The following CYP4A22 variants were observed in gnomAD, a reference collection of about 807,000 sequenced individuals.
The protein encoded by CYP4A22 is cytochrome P450 family 4 subfamily A member 22, also known as cytochrome P450 4A22.
A neutral mutation model predicts 56.2 loss-of-function variants in CYP4A22; 46 were observed. The ratio of observed to expected loss-of-function variants is 0.82; its 90% CI spans 0.65 to 1.05. CYP4A22 has a LOEUF of 1.05. Ranked by LOEUF, CYP4A22 falls within the 50% of genes least tolerant of loss-of-function variation. The probability of loss-of-function intolerance (pLI) is 0.00; values close to 1 mark genes in which losing one functional copy is unlikely to be tolerated. For synonymous variants in CYP4A22, 193 were observed against 251.1 expected (o/e 0.77, Z 2.19); for missense variants, 541 against 645.9 (o/e 0.84, Z 1.76).
At position 47,148,866 on chromosome 1, in the gene CYP4A22, C is replaced by T. The variant is rs568741433; in HGVS notation, c.*69C>T. On this transcript the variant is annotated 3_prime_UTR_variant, in exon 12 of 12. Coordinates refer to ENST00000371891, the MANE Select transcript of CYP4A22 (RefSeq NM_001010969.4). Reference sequence around the variant, plus strand: ...CTCCTGCCTGTCTGCCTCTGTCCTGCTTTCTGTCTGCCCACCTTCCCTTCT... The same window carrying T: ...CTCCTGCCTGTCTGCCTCTGTCCTGTTTTCTGTCTGCCCACCTTCCCTTCT... 52 of 1,508,306 alleles carry T rather than the reference C, an allele frequency of 3.4e-5. No individual in the cohort carries two copies. In the Admixed American group the frequency reaches 5.2e-4, roughly 15 times the overall value. The allele number at this position is 1,508,306 out of a possible 1,614,324, so 93.4% of individuals were successfully genotyped here.
intron 8 of CYP4A22, 44 bp from the exon 9 acceptor site, chr1:47,144,793 G>C (rs1218871606): frequency 6.2e-7 from 1 of 1,611,958 alleles, no homozygotes; most frequent in East Asian, 2.2e-5. Context: ...AGGGGCCCCT[G>C]GTCTGCCCAG....
intron 2 of CYP4A22, among the ~76,000 whole-genome samples, chr1:47,141,331 T>C (rs1295764891): frequency 2.6e-5 from 4 of 152,168 alleles, no homozygotes; most frequent in Non-Finnish European, 2.9e-5. Flanking sequence ...ATTGAAGACC[T>C]AGCCTATGTA....
chr1:47,141,233 G>A (rs999950293), intron 2 of CYP4A22, among the ~76,000 whole-genome samples: 11 of 152,160 alleles, frequency 7.2e-5, no homozygotes, highest in Admixed American at 3.3e-4. Flanking sequence ...CTTGGGTTTC[G>A]AAGCTCTAAT....
In CYP4A22 at chr1:47,149,106, T is replaced by C. The variant is rs1170278859; in HGVS notation, c.*309T>C. ...AGGATCCAGGGTCTAAAACCCCTTG[T>C]GGCCTTTGGAACACCAAGCTCTGTG... On this transcript the variant is annotated 3_prime_UTR_variant, in exon 12 of 12. Transcript: ENST00000371891. The C allele has an allele frequency of 3.8e-6, 1 of 263,454 alleles. No homozygotes were observed. Among genetic ancestry groups the C allele is most frequent in the African/African-American group, 2.2e-5 (1 of 45,424 alleles). 16.3% of individuals were successfully genotyped at this position (263,454 alleles called of 1,614,324 possible). A position where few individuals can be genotyped will look rare whatever the true frequency, so the allele number is the denominator to read the frequency against.
Position 47,144,699 on chromosome 1 carries a change from G to A in CYP4A22, c.1047G>A (p.Glu349=). ...CCAAGCATCAGGAGAGGTGCCGGGAGGAGATCCATGGCCTCCTGGGTGATG... is the reference window on the plus strand; with the variant it reads ...CCAAGCATCAGGAGAGGTGCCGGGAAGAGATCCATGGCCTCCTGGGTGATG... ...THPKHQERCR[E]EIHGLLGDGA... Residue 349 remains glutamate (E), a synonymous_variant, in exon 8 of 12, where the codon GAG becomes GAA. Coordinates refer to ENST00000371891, the MANE Select transcript of CYP4A22 (RefSeq NM_001010969.4). 2.5e-6 allele frequency: 4 copies of A among 1,613,976 alleles called. No homozygotes were observed. The highest frequency in any genetic ancestry group is 3.4e-6 in the Non-Finnish European group (4 of 1,179,892).
chr1:47,142,020 C>A (rs781039873), intron 3 of CYP4A22, 88 bp from the exon 4 acceptor site: 7 of 1,521,746 alleles, frequency 4.6e-6, no homozygotes, highest in Non-Finnish European at 4.4e-6. Flanking sequence ...CAGGAAGCCA[C>A]CTTTCTCCCT....
chr1:47,147,312 T>G (rs1024734476), intron 11 of CYP4A22: 13 of 985,322 alleles, frequency 1.3e-5, no homozygotes, highest in Middle Eastern at 5.2e-4. Flanking sequence ...CATTTCTAGC[T>G]CAGAACTAAT....
intron 11 of CYP4A22, chr1:47,147,017 A>G (rs1645083217): frequency 2.0e-6 from 2 of 985,364 alleles, no homozygotes; most frequent in South Asian, 4.7e-5. Context: ...TGGAGAGGAA[A>G]ACTCCAGAAT....
chr1:47,141,875 C>G (rs12404941), intron 3 of CYP4A22, among the ~76,000 whole-genome samples: 34,826 of 152,108 alleles, frequency 0.23, 4,443 homozygotes, highest in East Asian at 0.54. Context: ...TGCCCACAAC[C>G]CTTTTCAACC....
intron 3 of CYP4A22, 98 bp downstream of exon 3, chr1:47,141,713 T>C (rs976213389): frequency 5.5e-6 from 8 of 1,461,224 alleles, no homozygotes; most frequent in African/African-American, 4.2e-5. Flanking sequence ...ACCACTATCA[T>C]GACCTCATCC....
Position 47,143,311 on chromosome 1 carries a change from G to T in CYP4A22, c.553G>T (p.Val185Phe), listed in dbSNP as rs4926581. ...ELLGQDSPLEVFQHVSLMTLD... is the reference protein window; with the variant it reads ...ELLGQDSPLEFFQHVSLMTLD... The stretch of plus-strand genomic sequence containing the variant: ...CCTTGGCCAGGATTCCCCTCTGGAG[G>T]TCTTTCAGCACGTCTCCTTGATGAC... The change falls in exon 5 of 12, where the codon GTC becomes TTC. Residue 185 changes from valine to phenylalanine, a missense_variant. By Grantham distance (50) the Val-to-Phe change is conservative. This residue lies in a region of CYP4A22 where 335 missense variants were observed against 361.2 expected (regional missense o/e 0.93). Coordinates refer to ENST00000371891, the MANE Select transcript of CYP4A22 (RefSeq NM_001010969.4). The T allele has an allele frequency of 0.23, 378,650 of 1,613,268 alleles. 50,476 individuals carry two copies. The highest frequency in any genetic ancestry group is 0.56 in the East Asian group (25,148 of 44,816).
At position 47,140,888 on chromosome 1, in the gene CYP4A22, C is replaced by G. The variant is rs1387198359; in HGVS notation, c.304C>G (p.Pro102Ala). 6.2e-7 allele frequency: 1 copy of G among 1,614,050 alleles called. No homozygotes were observed. Residue 102 changes from proline to alanine, a missense_variant, in exon 2 of 12, where the codon CCT becomes GCT. By Grantham distance (27) the Pro-to-Ala change is conservative (BLOSUM62 -1). Transcript: ENST00000371891. ...CAAAGTTCGTGTCCAGCTCTATGAC[C>G]CTGACTATATGAAGGTGATTCTGGG... is the stretch of plus-strand genomic sequence containing the variant. ...GGKVRVQLYD[P>A]DYMKVILGRS...
Position 47,148,772 on chromosome 1 carries a change from C to G in CYP4A22, c.1535C>G (p.Pro512Arg). ...CTGCGTCTCAGGAGGCTCCCTAACC[C>G]TTGTGAAGACAAGGACCAGCTTTGA... The part of the protein sequence containing the change: ...IHLRLRRLPN[P>R]CEDKDQL Residue 512 changes from proline (P) to arginine (R), a missense_variant, in exon 12 of 12, where the codon CCT becomes CGT. Physicochemically the swap from Pro to Arg is moderately radical, Grantham distance 103. Transcript: ENST00000371891. 6.2e-7 allele frequency: 1 copy of G among 1,611,378 alleles called. No individual in the cohort carries two copies. The highest frequency in any genetic ancestry group is 1.1e-5 in the South Asian group (1 of 90,538).
chr1:47,144,425 A>T lies in CYP4A22; in HGVS notation c.859A>T (p.Arg287Trp). ...EGELEKIKRKRHLDFLDILLL... is the reference protein window; with the variant it reads ...EGELEKIKRKWHLDFLDILLL... ...GGAGCTGGAGAAGATCAAGAGGAAG[A>T]GGCACTTGGATTTTCTGGACATCCT... Residue 287 changes from arginine (R) to tryptophan (W), a missense_variant, in exon 7 of 12, where the codon AGG (arginine) becomes TGG (tryptophan). Transcript: ENST00000371891. The T allele has an allele frequency of 1.2e-6, 2 of 1,613,950 alleles. No individual in the cohort carries two copies. The highest frequency in any genetic ancestry group is 1.7e-6 in the Non-Finnish European group (2 of 1,179,844).
At chr1:47,147,618 G>A (rs569747306) in intron 11 of CYP4A22, among the ~76,000 whole-genome samples, 5 of 152,336 alleles carry the variant, frequency 3.3e-5, no homozygotes, top group East Asian at 1.9e-4. Flanking sequence ...GACAAATCAC[G>A]AATGCTACCT....
intron 1 of CYP4A22, among the ~76,000 whole-genome samples, chr1:47,139,630 T>G (rs1285467543): frequency 2.0e-5 from 3 of 152,184 alleles, no homozygotes; most frequent in African/African-American, 7.2e-5. Flanking sequence ...ATGTGTGCAG[T>G]AAGCATGGGC....
rs566363499 is a variant in CYP4A22, at chr1:47,144,294, G to C, written c.791-63G>C. ...GCACCCACACTGGGGCAGTTGGGCA[G>C]CTAGGCCTCCTGGGGGCTGCTGACG... On this transcript the variant is annotated intron_variant, in intron 6 of 11. Coordinates refer to ENST00000371891, the MANE Select transcript of CYP4A22 (RefSeq NM_001010969.4). 12 of 1,580,706 alleles carry C rather than the reference G, an allele frequency of 7.6e-6. No individual in the cohort carries two copies. In the African/African-American group the frequency reaches 1.2e-4, roughly 16 times the overall value.
At position 47,144,963 on chromosome 1, in the gene CYP4A22, G is replaced by C. The variant is rs1306848505; in HGVS notation, c.1215G>C (p.Leu405Phe). ...TCACCTTCCCTGATGGGCGCTCCTTGCCCAAAGGTATGAAGTTTCCCCACC... is the reference window on the plus strand; with the variant it reads ...TCACCTTCCCTGATGGGCGCTCCTTCCCCAAAGGTATGAAGTTTCCCCACC... The part of the protein sequence containing the change: ...TPVTFPDGRS[L>F]PKGIMVLLSI... Residue 405 changes from leucine (L) to phenylalanine (F), a missense_variant, in exon 9 of 12, where the codon TTG becomes TTC. By Grantham distance (22) the Leu-to-Phe change is conservative. This residue lies in a region of CYP4A22 where 204 missense variants were observed against 258.9 expected (regional missense o/e 0.79). Coordinates refer to ENST00000371891, the MANE Select transcript of CYP4A22 (RefSeq NM_001010969.4). The C allele has an allele frequency of 4.3e-6, 7 of 1,614,152 alleles. No individual in the cohort carries two copies. Among genetic ancestry groups the C allele is most frequent in the Non-Finnish European group, 5.9e-6 (7 of 1,180,002 alleles).
At chr1:47,147,206 C>G (rs1645085840) in intron 11 of CYP4A22, 80 of 985,362 alleles carry the variant, frequency 8.1e-5, no homozygotes, top group Non-Finnish European at 9.5e-5. Flanking sequence ...CCTTCTCCAG[C>G]ACTGGTCTGT....
Sources: allele counts gnomAD v4.1 joint callset (sites outside exome capture counted in the v4.1 genomes callset), GRCh38; gene constraint gnomAD v4.1.1; regional missense constraint gnomAD v4.1.1; transcripts MANE v1.5; gene names NCBI Gene and HGNC (gene_info 2026-07-23, HGNC 2026-07-21).